The following PPM1L variants were observed in gnomAD, a reference collection of about 807,000 sequenced individuals.
PPM1L encodes the protein protein phosphatase 1L.
In PPM1L, 13 loss-of-function variants were observed where a neutral mutation model predicts 31.4. That is an observed-to-expected ratio of 0.41 (90% CI 0.27 to 0.66). The LOEUF is 0.66. Among genes scored for constraint, PPM1L ranks in the 30% least tolerant of loss-of-function variants. PPM1L has a pLI of 0.29. For missense variants in PPM1L, 326 were observed against 453.7 expected, an observed-to-expected ratio of 0.72 and a Z score of 2.56; for synonymous variants, 184 against 175.4, an observed-to-expected ratio of 1.05 and a Z score of -0.39.
intron 2 of PPM1L, among the ~76,000 whole-genome samples, chr3:161,037,110 G>A (rs1223250462): frequency 2.6e-5 from 4 of 151,992 alleles, no homozygotes; most frequent in Non-Finnish European, 4.4e-5. Flanking sequence ...CTCTCATTGC[G>A]GTGGAACTTA....
intron 2 of PPM1L, among the ~76,000 whole-genome samples, chr3:161,041,790 T>C (rs187191561): frequency 1.6e-3 from 250 of 152,088 alleles, no homozygotes; most frequent in Middle Eastern, 3.4e-3. Context: ...CACAATTTTC[T>C]TAAAGGGTGC....
In PPM1L at chr3:160,756,466, G is replaced by C. The variant is rs369385243; in HGVS notation, c.158G>C (p.Arg53Pro). The C allele has an allele frequency of 1.9e-6, 3 of 1,614,056 alleles. No individual in the cohort carries two copies. Among genetic ancestry groups the C allele is most frequent in the Non-Finnish European group, 2.5e-6 (3 of 1,180,046 alleles). ...DEVKTIVKSS[R>P]DAVKMVKGKV... ...GTGAAGACCATCGTGAAGTCCAGCCGGGACGCCGTGAAGATGGTGAAGGGC... is the reference window on the plus strand; with the variant it reads ...GTGAAGACCATCGTGAAGTCCAGCCCGGACGCCGTGAAGATGGTGAAGGGC... Residue 53 changes from arginine to proline, a missense_variant, in exon 1 of 4, where the codon CGG (arginine) becomes CCG (proline). Coordinates refer to ENST00000498165, the MANE Select transcript of PPM1L (RefSeq NM_139245.4). This position sits in a 1 kb window ranked among gnomAD's most constrained non-coding sequence, Gnocchi z 6.2.
intron 1 of PPM1L, among the ~76,000 whole-genome samples, chr3:160,958,306 C>A (rs1715846049): frequency 6.6e-6 from 1 of 152,118 alleles, no homozygotes; most frequent in Admixed American, 6.5e-5. Flanking sequence ...ACATTAAAGT[C>A]TTTAATCCAT....
intron 2 of PPM1L, among the ~76,000 whole-genome samples, chr3:160,988,779 A>T (rs574398534): frequency 1.3e-5 from 2 of 152,306 alleles, no homozygotes; most frequent in Admixed American, 1.3e-4. Context: ...AAGCTCTGCT[A>T]ACCTGCTTCC....
intron 1 of PPM1L, among the ~76,000 whole-genome samples, chr3:160,860,213 T>G (rs1711842151): frequency 6.6e-6 from 1 of 152,196 alleles, no homozygotes; most frequent in South Asian, 2.1e-4. Flanking sequence ...AAGCAAGTTT[T>G]AGTCACCACG....
chr3:160,910,259 T>TTCCCCTTTCCCTTTCCCC (rs71147392), intron 1 of PPM1L, among the ~76,000 whole-genome samples: 1 of 50,050 alleles, frequency 2.0e-5, no homozygotes, highest in Non-Finnish European at 3.4e-5. Context: ...CCCCTTCCCC[T>TTCCCCTTTCCCTTTCCCC]TTCCCCTTCC....
At chr3:160,848,562 G>T (rs909841712) in intron 1 of PPM1L, among the ~76,000 whole-genome samples, 1 of 152,142 alleles carries the variant, frequency 6.6e-6, no homozygotes, top group Non-Finnish European at 1.5e-5. Context: ...GTTAGTGTCC[G>T]CAGGTTCTAT....
chr3:160,899,319 A>G (rs140532334), intron 1 of PPM1L, among the ~76,000 whole-genome samples: 1 of 152,172 alleles, frequency 6.6e-6, no homozygotes. Context: ...TGATAGCTGA[A>G]AAGTCCACTG....
At chr3:161,068,012 T>C (rs185159147) in intron 3 of PPM1L, among the ~76,000 whole-genome samples, 3 of 152,376 alleles carry the variant, frequency 2.0e-5, no homozygotes, top group Admixed American at 6.5e-5. Flanking sequence ...CTGGATCTTG[T>C]ATAACTTCAT....
intron 1 of PPM1L, among the ~76,000 whole-genome samples, chr3:160,868,502 TC>T (rs141681417): frequency 0.044 from 6,764 of 152,304 alleles, 202 homozygotes; most frequent in Admixed American, 0.091. Flanking sequence ...TTAATTAACA[TC>T]CCTTTTCTCT....
At chr3:160,991,616 C>T (rs1056616439) in intron 2 of PPM1L, among the ~76,000 whole-genome samples, 1 of 152,064 alleles carries the variant, frequency 6.6e-6, no homozygotes, top group African/African-American at 2.4e-5. Context: ...TACTATAAGT[C>T]TATTACAGTC....
At chr3:160,875,805 A>C (rs1712488603) in intron 1 of PPM1L, among the ~76,000 whole-genome samples, 1 of 152,204 alleles carries the variant, frequency 6.6e-6, no homozygotes, top group Non-Finnish European at 1.5e-5. Context: ...ATGTGACCCT[A>C]AGGTCAGTGT....
At chr3:160,810,092 C>A (rs1712764489) in intron 1 of PPM1L, among the ~76,000 whole-genome samples, 1 of 151,888 alleles carries the variant, frequency 6.6e-6, no homozygotes, top group African/African-American at 2.4e-5. Flanking sequence ...TGGTGTCTTG[C>A]ATCATGACTG....
chr3:160,836,316 A>AAGAG (rs113812255), intron 1 of PPM1L, among the ~76,000 whole-genome samples: 149 of 147,710 alleles, frequency 1.0e-3, no homozygotes, highest in East Asian at 1.4e-3. Flanking sequence ...GAAGGAAAGG[A>AAGAG]AGAGAGAGAG....
chr3:161,030,487 A>G (rs1718533260), intron 2 of PPM1L, among the ~76,000 whole-genome samples: 1 of 152,166 alleles, frequency 6.6e-6, no homozygotes, highest in Admixed American at 6.5e-5. Flanking sequence ...TGTAAAAAAT[A>G]ATTTTCTGTT....
intron 2 of PPM1L, among the ~76,000 whole-genome samples, chr3:161,013,649 G>C (rs12696112): frequency 0.33 from 50,553 of 151,708 alleles, 9,001 homozygotes; most frequent in East Asian, 0.63. Context: ...TTATTATTGT[G>C]TGGGAATCTA....
intron 1 of PPM1L, among the ~76,000 whole-genome samples, chr3:160,910,271 C>T (rs1713921465): frequency 1.5e-5 from 2 of 129,968 alleles, no homozygotes; most frequent in Non-Finnish European, 3.3e-5. Context: ...TCCCCTTCCC[C>T]TTCCCCTTCC....
intron 1 of PPM1L, among the ~76,000 whole-genome samples, chr3:160,926,960 T>C (rs140900817): frequency 1.3e-5 from 2 of 152,370 alleles, no homozygotes; most frequent in East Asian, 3.9e-4. Flanking sequence ...TAAATAATCA[T>C]TGATCCTCAG....
intron 1 of PPM1L, among the ~76,000 whole-genome samples, chr3:160,820,173 A>G (rs1193638092): frequency 6.6e-6 from 1 of 151,990 alleles, no homozygotes; most frequent in East Asian, 1.9e-4. Context: ...GCTGGATGAG[A>G]TTGGCTTTAT....
Sources: allele counts gnomAD v4.1 joint callset (sites outside exome capture counted in the v4.1 genomes callset), GRCh38; gene constraint gnomAD v4.1.1; non-coding constraint Gnocchi (gnomAD v3.1); transcripts MANE v1.5; gene names NCBI Gene and HGNC (gene_info 2026-07-23, HGNC 2026-07-21).